FBXL14: variants seen among roughly 807,000 people sequenced by gnomAD.
FBXL14 encodes F-box/LRR-repeat protein 14.
Under a neutral mutation model 24.5 loss-of-function variants are expected in FBXL14, and 11 were observed. The ratio of observed to expected loss-of-function variants is 0.45; its 90% CI spans 0.28 to 0.74. FBXL14 has a LOEUF of 0.74. FBXL14 is among the 30% of genes least tolerant of loss of function. The probability of loss-of-function intolerance (pLI) is 0.12; values close to 1 mark genes in which losing one functional copy is unlikely to be tolerated. For synonymous variants in FBXL14, 294 were observed against 240.4 expected, an observed-to-expected ratio of 1.22 and a Z score of -2.06; for missense variants, 384 against 545.6, an observed-to-expected ratio of 0.70 and a Z score of 2.95.
intron 1 of FBXL14, among the ~76,000 whole-genome samples, chr12:1,577,519 T>C (rs2094458203): frequency 6.6e-6 from 1 of 152,218 alleles, no homozygotes; most frequent in Non-Finnish European, 1.5e-5. Flanking sequence ...CCCTGCGGTG[T>C]GAAGACTGCC....
At chr12:1,580,748 CAG>C (rs2094464691) in intron 1 of FBXL14, among the ~76,000 whole-genome samples, 1 of 152,020 alleles carries the variant, frequency 6.6e-6, no homozygotes, top group African/African-American at 2.4e-5. Context: ...AAACCATTAT[CAG>C]GGGCTTAGAG....
intron 1 of FBXL14, among the ~76,000 whole-genome samples, chr12:1,571,932 C>A (rs947412228): frequency 6.6e-6 from 1 of 152,232 alleles, no homozygotes; most frequent in African/African-American, 2.4e-5. Flanking sequence ...GAAGACAGTT[C>A]TGTGCTCTAG....
In FBXL14 at chr12:1,588,966, A is replaced by G. The variant is rs140882056; in HGVS notation, c.1194+3907T>C. The stretch of plus-strand genomic sequence containing the variant: ...CCTATTCCCTTTGAAGTACTGCCCT[A>G]TGGCATAAGCTTGTTCATACGGTGT... On this transcript the variant is annotated intron_variant, in intron 1 of 1. Coordinates refer to ENST00000339235, the MANE Select transcript of FBXL14 (RefSeq NM_152441.3). Among the ~76,000 whole-genome samples the G allele has an allele frequency of 5.9e-3, 893 of 151,466 alleles. 7 individuals carry two copies. The highest frequency in any genetic ancestry group is 0.02 in the African/African-American group (839 of 41,192).
At chr12:1,575,354 ATCTTATCTATCTG>A (rs1027478891) in intron 1 of FBXL14, among the ~76,000 whole-genome samples, 2 of 152,188 alleles carry the variant, frequency 1.3e-5, no homozygotes, top group African/African-American at 4.8e-5. Context: ...TATTTCTCTA[ATCTTATCTATCTG>A]TCTTATCTAT....
chr12:1,591,905 T>A (rs1284534923), intron 1 of FBXL14, among the ~76,000 whole-genome samples: 1 of 152,114 alleles, frequency 6.6e-6, no homozygotes, highest in Non-Finnish European at 1.5e-5. Flanking sequence ...AAACAACGGT[T>A]CAACTCTCAT....
At chr12:1,576,337 G>A (rs1018536098) in intron 1 of FBXL14, among the ~76,000 whole-genome samples, 14 of 152,058 alleles carry the variant, frequency 9.2e-5, no homozygotes, top group Admixed American at 9.2e-4. Flanking sequence ...TGCTGGGTTG[G>A]CCCCTCACTC....
At position 1,569,336 on chromosome 12, in the gene FBXL14, C is replaced by G. The variant is rs1240680748; in HGVS notation, c.1195-2526G>C. On this transcript the variant is annotated intron_variant, in intron 1 of 1. Coordinates refer to ENST00000339235, the MANE Select transcript of FBXL14 (RefSeq NM_152441.3). This position sits in a 1 kb window ranked among gnomAD's most constrained non-coding sequence, Gnocchi z 4.2. ...CCCTCTCCTTTTCACCAGGCTTCTC[C>G]TCTTCCTTCTTCCCTCTTCAACCCC... 6.6e-6 allele frequency among the ~76,000 whole-genome samples: 1 copy of G among 151,880 alleles called. No homozygotes were observed. Among genetic ancestry groups the G allele is most frequent in the Non-Finnish European group, 1.5e-5 (1 of 67,982 alleles).
Position 1,593,134 on chromosome 12 carries a change from G to T in FBXL14, c.933C>A (p.Ser311=). 3 of 1,613,756 alleles carry T rather than the reference G, an allele frequency of 1.9e-6. No homozygotes were observed. The highest frequency in any genetic ancestry group is 2.5e-6 in the Non-Finnish European group (3 of 1,180,042). ...CATCACTGATGTGGCAGGAGCAGAG[G>T]GAGAGAGACTTGAGGCCATCCAGCC... ...AQGLDGLKSL[S]LCSCHISDDG... The change falls in exon 1 of 2, where the codon TCC becomes TCA. Residue 311 remains serine, a synonymous_variant. Transcript: ENST00000339235. This position sits in a 1 kb window ranked among gnomAD's most constrained non-coding sequence, Gnocchi z 7.4.
At position 1,594,096 on chromosome 12, in the gene FBXL14, GGGA is replaced by G. The variant is rs1167874350; in HGVS notation, c.-33_-31del. 7.3e-7 allele frequency: 1 copy of G among 1,367,836 alleles called. No homozygotes were observed. Among genetic ancestry groups the G allele is most frequent in the East Asian group, 2.9e-5 (1 of 34,644 alleles). The allele number at this position is 1,367,836 out of a possible 1,614,324, so 84.7% of individuals were successfully genotyped here. ...CTCCTCCCCCCTCCGCGGCGCTGGG[GGGA>G]GGAGGCGCGGGCCCCGCCGCTCCGG... On this transcript the variant is annotated 5_prime_UTR_variant, in exon 1 of 2. Coordinates refer to ENST00000339235, the MANE Select transcript of FBXL14 (RefSeq NM_152441.3).
At chr12:1,572,360 T>C (rs1445353503) in intron 1 of FBXL14, among the ~76,000 whole-genome samples, 2 of 152,258 alleles carry the variant, frequency 1.3e-5, no homozygotes, top group Non-Finnish European at 2.9e-5. Flanking sequence ...ACTTCTTGGC[T>C]CCCAAGAGTT....
intron 1 of FBXL14, among the ~76,000 whole-genome samples, chr12:1,578,865 CT>C (rs1380758906): frequency 2.6e-5 from 4 of 152,114 alleles, no homozygotes; most frequent in Non-Finnish European, 5.9e-5. Context: ...CCACGGTGGG[CT>C]TTGCTTTAGA....
At chr12:1,576,144 A>G (rs2094455525) in intron 1 of FBXL14, among the ~76,000 whole-genome samples, 1 of 152,220 alleles carries the variant, frequency 6.6e-6, no homozygotes, top group East Asian at 1.9e-4. Flanking sequence ...CAGATGAAGC[A>G]GGGAGTGATT....
In FBXL14 at chr12:1,566,663, T is replaced by A. The variant is rs1483938648; in HGVS notation, c.*85A>T. The A allele has an allele frequency of 2.6e-6, 2 of 762,570 alleles. No homozygotes were observed. The highest frequency in any genetic ancestry group is 1.7e-5 in the African/African-American group (1 of 58,628). The allele number at this position is 762,570 out of a possible 1,614,324, so 47.2% of individuals were successfully genotyped here. A position where few individuals can be genotyped will look rare whatever the true frequency, so the allele number is the denominator to read the frequency against. ...CAGTGACAGGCAGGGAAACCTGAGC[T>A]GTCATCACCAGAGTGCCGGAGGCGC... is the stretch of plus-strand genomic sequence containing the variant. On this transcript the variant is annotated 3_prime_UTR_variant, in exon 2 of 2. Coordinates refer to ENST00000339235, the MANE Select transcript of FBXL14 (RefSeq NM_152441.3).
At chr12:1,571,653 G>C (rs1394845303) in intron 1 of FBXL14, among the ~76,000 whole-genome samples, 4 of 152,126 alleles carry the variant, frequency 2.6e-5, no homozygotes, top group African/African-American at 9.7e-5. Context: ...ATTACCTTGG[G>C]ACGGGGACAC....
At chr12:1,570,103 C>G (rs2094442918) in intron 1 of FBXL14, among the ~76,000 whole-genome samples, 1 of 152,218 alleles carries the variant, frequency 6.6e-6, no homozygotes, top group South Asian at 2.1e-4. Flanking sequence ...AGTGCGGTGT[C>G]CTGTCCACAC....
intron 1 of FBXL14, chr12:1,587,391 G>A (rs771335233): frequency 6.6e-6 from 1 of 152,206 alleles, no homozygotes; most frequent in South Asian, 2.1e-4. Flanking sequence ...TGGGAGTGGG[G>A]GTTTAACATA....
chr12:1,583,563 G>C (rs1352984400), intron 1 of FBXL14, among the ~76,000 whole-genome samples: 1 of 152,152 alleles, frequency 6.6e-6, no homozygotes, highest in African/African-American at 2.4e-5. Context: ...AATACTTTGC[G>C]GGTGCGGGTG....
chr12:1,573,995 AACTCC>A (rs2094450358), intron 1 of FBXL14, among the ~76,000 whole-genome samples: 2 of 151,590 alleles, frequency 1.3e-5, no homozygotes, highest in African/African-American at 4.9e-5. Flanking sequence ...ACAAGAGCGA[AACTCC>A]GTCTCAAAAA....
At chr12:1,585,514 A>T (rs2094474837) in intron 1 of FBXL14, among the ~76,000 whole-genome samples, 1 of 152,222 alleles carries the variant, frequency 6.6e-6, no homozygotes, top group Non-Finnish European at 1.5e-5. Flanking sequence ...TATCCTTTTT[A>T]GATGAGAAAA....
Sources: allele counts gnomAD v4.1 joint callset (sites outside exome capture counted in the v4.1 genomes callset), GRCh38; gene constraint gnomAD v4.1.1; non-coding constraint Gnocchi (gnomAD v3.1); transcripts MANE v1.5; gene names NCBI Gene and HGNC (gene_info 2026-07-23, HGNC 2026-07-21).